The following PAK5 variants were observed in gnomAD, a reference collection of about 807,000 sequenced individuals.
The protein encoded by PAK5 is p21 (RAC1) activated kinase 5, also known as serine/threonine-protein kinase PAK 5.
PAK5 carries 16 observed loss-of-function variants against 65.9 expected under a neutral mutation model. The ratio of observed to expected loss-of-function variants is 0.24; its 90% CI spans 0.16 to 0.37. The LOEUF is 0.37. Among genes scored for constraint, PAK5 ranks in the 10% least tolerant of loss-of-function variants. The pLI, the probability that PAK5 is intolerant of heterozygous loss-of-function variation, is 1.00. For missense variants in PAK5, 785 were observed against 903.9 expected (o/e 0.87, Z 1.69); for synonymous variants, 371 against 354.9 (o/e 1.05, Z -0.51).
chr20:9,802,415 G>T (rs2049179861), intron 1 of PAK5, among the ~76,000 whole-genome samples: 1 of 152,018 alleles, frequency 6.6e-6, no homozygotes, highest in African/African-American at 2.4e-5. Flanking sequence ...TTATAAATAT[G>T]GGAGAAGGGA....
intron 1 of PAK5, among the ~76,000 whole-genome samples, chr20:9,831,798 G>A (rs186454658): frequency 2.8e-4 from 42 of 152,240 alleles, no homozygotes; most frequent in African/African-American, 9.6e-4. Flanking sequence ...GTGAGCCACC[G>A]TGCCCGGCCT....
At chr20:9,743,409 A>ACAAAG (rs1229984488) in intron 1 of PAK5, among the ~76,000 whole-genome samples, 27 of 149,272 alleles carry the variant, frequency 1.8e-4, no homozygotes, top group African/African-American at 6.9e-4. Flanking sequence ...AACAAACGAA[A>ACAAAG]CAAAACAAAA....
At chr20:9,835,916 G>T (rs540555544) in intron 1 of PAK5, among the ~76,000 whole-genome samples, 2 of 152,178 alleles carry the variant, frequency 1.3e-5, no homozygotes, top group Admixed American at 1.3e-4. Flanking sequence ...AATGCATTTT[G>T]GTTTTTTTGC....
chr20:9,608,553 GT>G (rs1345369794), intron 3 of PAK5, among the ~76,000 whole-genome samples: 2 of 152,194 alleles, frequency 1.3e-5, no homozygotes, highest in African/African-American at 4.8e-5. Context: ...CTCAAGTGAT[GT>G]CTTTTAATTT....
chr20:9,837,971 T>C (rs1040072503), intron 1 of PAK5, among the ~76,000 whole-genome samples: 4 of 152,304 alleles, frequency 2.6e-5, no homozygotes, highest in East Asian at 1.9e-4. Flanking sequence ...AAGCTCCATA[T>C]ACACACACAT....
chr20:9,611,357 C>T (rs558339291), intron 3 of PAK5, among the ~76,000 whole-genome samples: 3 of 152,186 alleles, frequency 2.0e-5, no homozygotes, highest in Non-Finnish European at 4.4e-5. Context: ...ACCCAAACTG[C>T]CATTCCAGGA....
At chr20:9,692,137 G>A (rs1052355784) in intron 2 of PAK5, among the ~76,000 whole-genome samples, 3 of 152,152 alleles carry the variant, frequency 2.0e-5, no homozygotes, top group African/African-American at 7.2e-5. Flanking sequence ...TGCTCACTCT[G>A]ATAGAGTACT....
chr20:9,623,744 A>G (rs1177524116), intron 3 of PAK5, among the ~76,000 whole-genome samples: 1 of 152,248 alleles, frequency 6.6e-6, no homozygotes, highest in Non-Finnish European at 1.5e-5. Context: ...AAACAACAGG[A>G]AAGTTGACAA....
intron 1 of PAK5, among the ~76,000 whole-genome samples, chr20:9,772,148 G>T (rs77467524): frequency 1.3e-5 from 2 of 152,038 alleles, no homozygotes; most frequent in African/African-American, 4.8e-5. Context: ...ACAAATTTCC[G>T]AAAACTAAGG....
chr20:9,600,785 C>T (rs2046346098), intron 3 of PAK5, among the ~76,000 whole-genome samples: 1 of 152,186 alleles, frequency 6.6e-6, no homozygotes, highest in Admixed American at 6.5e-5. Context: ...TCTGTTCTCT[C>T]CCACCTCCCC....
intron 3 of PAK5, among the ~76,000 whole-genome samples, chr20:9,583,025 A>C (rs2046006787): frequency 6.6e-6 from 1 of 152,050 alleles, no homozygotes; most frequent in Admixed American, 6.6e-5. Context: ...CCTTCCCCCC[A>C]AATCAGGCAT....
chr20:9,562,565 T>C (rs1381471480), intron 6 of PAK5, among the ~76,000 whole-genome samples: 1 of 152,204 alleles, frequency 6.6e-6, no homozygotes, highest in Non-Finnish European at 1.5e-5. Context: ...GTAGAGTAAC[T>C]CAGGAGAATG....
chr20:9,633,375 C>T (rs2046946100), intron 3 of PAK5, among the ~76,000 whole-genome samples: 1 of 152,024 alleles, frequency 6.6e-6, no homozygotes, highest in Admixed American at 6.6e-5. Flanking sequence ...CTCCATTACC[C>T]TGTCTCTAAA....
chr20:9,715,463 G>T (rs369677067), intron 1 of PAK5, among the ~76,000 whole-genome samples: 6 of 152,144 alleles, frequency 3.9e-5, no homozygotes, highest in African/African-American at 9.7e-5. Flanking sequence ...GTAAACTAGT[G>T]CAACCATTGT....
intron 2 of PAK5, among the ~76,000 whole-genome samples, chr20:9,656,320 A>G (rs1169727007): frequency 6.6e-6 from 1 of 152,066 alleles, no homozygotes; most frequent in Non-Finnish European, 1.5e-5. Context: ...TCATGGTTCA[A>G]GCAGAGTGGC....
chr20:9,711,036 TC>T (rs1311762101), intron 2 of PAK5, among the ~76,000 whole-genome samples: 6 of 152,202 alleles, frequency 3.9e-5, no homozygotes, highest in African/African-American at 1.4e-4. Context: ...CTTATCGTGT[TC>T]ATAAACATTA....
Position 9,552,310 on chromosome 20 carries a change from C to T in PAK5, c.1743+5298G>A, listed in dbSNP as rs118137384. On this transcript the variant is annotated intron_variant, in intron 7 of 9. Coordinates refer to ENST00000353224, the MANE Select transcript of PAK5 (RefSeq NM_177990.4). ...AAGTCAGTCACTCACTGCTCACTGG[C>T]CCCTAAGTAATTCATTTATCAAATG... Among the ~76,000 whole-genome samples, 1,264 of 152,290 alleles carry T rather than the reference C, an allele frequency of 8.3e-3. 6 individuals carry two copies. Among genetic ancestry groups the T allele is most frequent in the Non-Finnish European group, 0.014 (950 of 68,032 alleles).
At chr20:9,720,887 A>C (rs1361395200) in intron 1 of PAK5, among the ~76,000 whole-genome samples, 1 of 152,180 alleles carries the variant, frequency 6.6e-6, no homozygotes, top group Non-Finnish European at 1.5e-5. Context: ...TATATGAACT[A>C]TCCAGAATAG....
chr20:9,768,660 G>A (rs566653174), intron 1 of PAK5, among the ~76,000 whole-genome samples: 2 of 151,914 alleles, frequency 1.3e-5, no homozygotes, highest in East Asian at 3.9e-4. Context: ...GCGCGCGGCT[G>A]TAGTCCCAGC....
Sources: gnomAD v4.1 joint callset for allele counts (sites outside exome capture counted in the v4.1 genomes callset) on GRCh38, gnomAD v4.1.1 for gene constraint, MANE v1.5 for transcripts, NCBI Gene and HGNC (gene_info 2026-07-23, HGNC 2026-07-21) for gene names.